Variants in RGS5 observed in about 807,000 individuals in gnomAD.
The protein encoded by RGS5 is regulator of G-protein signalling 5.
In RGS5, 20 loss-of-function variants were observed where a neutral mutation model predicts 18.9. The observed-to-expected ratio is 1.06, with a 90% CI of 0.74 to 1.54. The LOEUF is 1.54. Among genes scored for constraint, RGS5 ranks in the 40% most tolerant of loss-of-function variants. The pLI is 0.00. For missense variants in RGS5, 201 were observed against 211.8 expected (o/e 0.95, Z 0.32); for synonymous variants, 57 against 76.2 (o/e 0.75, Z 1.31).
upstream of RGS5, among the ~76,000 whole-genome samples, chr1:163,205,345 TAA>T (rs35747068): frequency 0.094 from 6,807 of 72,514 alleles, 143 homozygotes; most frequent in Non-Finnish European, 0.12. Flanking sequence ...TTAACCACAG[TAA>T]AAAAAAAAAA....
intron 2 of RGS5, among the ~76,000 whole-genome samples, chr1:163,279,972 T>C (rs1648950350): frequency 1.3e-5 from 2 of 152,056 alleles, no homozygotes; most frequent in Admixed American, 1.3e-4. Context: ...ATAGAAATTC[T>C]GAACAGAACA....
intron 1 of RGS5, among the ~76,000 whole-genome samples, chr1:163,187,117 A>G (rs1464425256): frequency 1.3e-5 from 2 of 152,182 alleles, no homozygotes; most frequent in African/African-American, 4.8e-5. Context: ...CTGCACTCAC[A>G]TTTCAGCATA....
chr1:163,299,666 C>T (rs1649505490), intron 2 of RGS5, among the ~76,000 whole-genome samples: 1 of 152,178 alleles, frequency 6.6e-6, no homozygotes, highest in African/African-American at 2.4e-5. Flanking sequence ...CGAAAACAAA[C>T]ACTGGGATAT....
intron 1 of RGS5, among the ~76,000 whole-genome samples, chr1:163,175,857 T>C (rs568640003): frequency 3.9e-4 from 59 of 152,284 alleles, no homozygotes; most frequent in Non-Finnish European, 7.1e-4. Context: ...CTCCAAATGA[T>C]AAAAAGGTGA....
chr1:163,300,704 TGA>T (rs1263705843), intron 2 of RGS5: 3 of 152,050 alleles, frequency 2.0e-5, no homozygotes, highest in Non-Finnish European at 4.4e-5. Flanking sequence ...GAAATAAATT[TGA>T]GAGTCTCACA....
At chr1:163,228,137 C>T (rs1445235166) in intron 2 of RGS5, among the ~76,000 whole-genome samples, 1 of 152,212 alleles carries the variant, frequency 6.6e-6, no homozygotes, top group Non-Finnish European at 1.5e-5. Flanking sequence ...TCTCACAGCT[C>T]TACTAGGCAG....
chr1:163,187,705 C>A (rs1369162567), intron 1 of RGS5, among the ~76,000 whole-genome samples: 1 of 152,106 alleles, frequency 6.6e-6, no homozygotes, highest in Non-Finnish European at 1.5e-5. Context: ...CATGCCTCAC[C>A]CTAGTGTCTC....
intron 1 of RGS5, among the ~76,000 whole-genome samples, chr1:163,179,469 A>G (rs1658712227): frequency 6.6e-6 from 1 of 152,204 alleles, no homozygotes; most frequent in African/African-American, 2.4e-5. Context: ...GTGCCAATGA[A>G]GGAAACTGTC....
chr1:163,298,177 A>T (rs1301126606), intron 2 of RGS5, among the ~76,000 whole-genome samples: 1 of 152,116 alleles, frequency 6.6e-6, no homozygotes, highest in Non-Finnish European at 1.5e-5. Flanking sequence ...TATGTATTTT[A>T]TATATATATG....
At chr1:163,167,298 A>C (rs1383294416) in intron 2 of RGS5, among the ~76,000 whole-genome samples, 1 of 152,240 alleles carries the variant, frequency 6.6e-6, no homozygotes, top group African/African-American at 2.4e-5. Context: ...GCTCTAAGAT[A>C]GCAGAGCGAA....
At chr1:163,178,097 A>G (rs1658642166) in intron 1 of RGS5, among the ~76,000 whole-genome samples, 1 of 152,026 alleles carries the variant, frequency 6.6e-6, no homozygotes, top group South Asian at 2.1e-4. Flanking sequence ...GAGGTCAGGA[A>G]TTCAAGACCA....
chr1:163,161,263 A>G (rs1657786862), intron 3 of RGS5, among the ~76,000 whole-genome samples: 1 of 152,198 alleles, frequency 6.6e-6, no homozygotes, highest in South Asian at 2.1e-4. Flanking sequence ...AACATCAGAA[A>G]TTTGAACTTG....
chr1:163,250,767 T>C (rs1648086396), intron 2 of RGS5, among the ~76,000 whole-genome samples: 2 of 152,158 alleles, frequency 1.3e-5, no homozygotes, highest in Admixed American at 1.3e-4. Context: ...CATAAGAGGA[T>C]TGGTAGAGAG....
chr1:163,270,667 A>C (rs1264608164), intron 2 of RGS5, among the ~76,000 whole-genome samples: 1 of 152,162 alleles, frequency 6.6e-6, no homozygotes, highest in Admixed American at 6.6e-5. Context: ...TCCATCCTAC[A>C]AAAGTATTTT....
At chr1:163,195,404 T>C (rs1420547475) in intron 1 of RGS5, among the ~76,000 whole-genome samples, 1 of 149,964 alleles carries the variant, frequency 6.7e-6, no homozygotes, top group Non-Finnish European at 1.5e-5. Flanking sequence ...AGTGATATAA[T>C]GGACTGTGGG....
chr1:163,318,687 C>T (rs1650094982), intron 1 of RGS5, among the ~76,000 whole-genome samples: 2 of 151,868 alleles, frequency 1.3e-5, no homozygotes, highest in Admixed American at 1.3e-4. Context: ...GAAAAAAAGA[C>T]CCCCAAGAAG....
chr1:163,232,106 A>G (rs564354610), intron 2 of RGS5, among the ~76,000 whole-genome samples: 1 of 152,272 alleles, frequency 6.6e-6, no homozygotes, highest in South Asian at 2.1e-4. Flanking sequence ...TGTGAAATGC[A>G]AAGATGGCGG....
chr1:163,210,909 C>T (rs182007294), intron 1 of RGS5: 2 of 152,192 alleles, frequency 1.3e-5, no homozygotes, highest in African/African-American at 2.4e-5. Context: ...GGCTTTTGAA[C>T]CTGGTCATAT....
chr1:163,180,684 C>CTTTTTTTTTTTTTTTT (rs1429373041), intron 1 of RGS5, among the ~76,000 whole-genome samples: 1 of 81,862 alleles, frequency 1.2e-5, no homozygotes, highest in Non-Finnish European at 2.7e-5. Flanking sequence ...AGCCCTTACC[C>CTTTTTTTTTTTTTTTT]TGTTTTTTTT....
Sources: allele counts gnomAD v4.1 joint callset (sites outside exome capture counted in the v4.1 genomes callset), GRCh38; gene constraint gnomAD v4.1.1; transcripts MANE v1.5; gene names NCBI Gene and HGNC (gene_info 2026-07-23, HGNC 2026-07-21).